The following AMBP variants were observed in gnomAD, a reference collection of about 807,000 sequenced individuals.
AMBP encodes the protein alpha-1-microglobulin/bikunin precursor.
In AMBP, 37 loss-of-function variants were observed where a neutral mutation model predicts 46.3. The observed-to-expected ratio is 0.80, with a 90% CI of 0.61 to 1.05. The LOEUF (loss-of-function observed/expected upper bound fraction) is 1.05, where lower values mean the gene tolerates loss of function less well. Among genes scored for constraint, AMBP ranks in the 50% least tolerant of loss-of-function variants. The pLI, the probability that AMBP is intolerant of heterozygous loss-of-function variation, is 0.00. For synonymous variants in AMBP, 174 were observed against 175.9 expected, an observed-to-expected ratio of 0.99 and a Z score of 0.09; for missense variants, 475 against 461.2, an observed-to-expected ratio of 1.03 and a Z score of -0.27.
At chr9:114,071,738 C>G (rs1172915766) in intron 5 of AMBP, among the ~76,000 whole-genome samples, 1 of 152,210 alleles carries the variant, frequency 6.6e-6, no homozygotes, top group Non-Finnish European at 1.5e-5. Flanking sequence ...CAGCCAGATT[C>G]GAACAGAGGA....
chr9:114,069,083 C>T (rs1029606743), intron 6 of AMBP, among the ~76,000 whole-genome samples: 1 of 151,778 alleles, frequency 6.6e-6, no homozygotes, highest in Non-Finnish European at 1.5e-5. Context: ...TATATACACA[C>T]ACAGATATAT....
At chr9:114,077,730 AG>A (rs1846828987) in intron 1 of AMBP, 1 of 222,308 alleles carries the variant, frequency 4.5e-6, no homozygotes, top group Non-Finnish European at 9.1e-6. Context: ...CCACAGAGAG[AG>A]GGGAGTCATT....
chr9:114,068,438 G>A (rs906144529), intron 6 of AMBP, among the ~76,000 whole-genome samples: 9 of 148,500 alleles, frequency 6.1e-5, no homozygotes, highest in African/African-American at 2.2e-4. Context: ...TGTCTCTACT[G>A]AAAAAAAAAA....
intron 6 of AMBP, among the ~76,000 whole-genome samples, chr9:114,063,758 A>C (rs1343886536): frequency 6.6e-6 from 1 of 152,256 alleles, no homozygotes; most frequent in African/African-American, 2.4e-5. Context: ...CAGTGATGGA[A>C]ATGAATATGT....
chr9:114,062,752 G>A lies in AMBP; in HGVS notation c.610C>T (p.Arg204Trp), dbSNP rs369822351. 1.2e-5 allele frequency: 19 copies of A among 1,613,916 alleles called. No individual in the cohort carries two copies. Among genetic ancestry groups the A allele is most frequent in the African/African-American group, 6.7e-5 (5 of 74,874 alleles). The change falls in exon 7 of 10, where the codon CGG (arginine) becomes TGG (tryptophan). Residue 204 changes from arginine (R) to tryptophan (W), a missense_variant. By Grantham distance (101) the Arg-to-Trp change is moderately radical. Around this residue, in one of 3 missense-constraint regions of AMBP, gnomAD observed 293 missense variants for 276.9 expected, o/e 1.06. Coordinates refer to ENST00000265132, the MANE Select transcript of AMBP (RefSeq NM_001633.4). ...TCTTCTTGGGGTAGCACAGCCCTCC[G>A]GACTCTCTGCGGGGGAGAGAAAGAG... ...EPEPILIPRV[R>W]RAVLPQEEEG...
In AMBP at chr9:114,069,691, G is replaced by C. The variant is rs1274762352; in HGVS notation, c.603+8C>G. 6.2e-7 allele frequency: 1 copy of C among 1,612,092 alleles called. No homozygotes were observed. Among genetic ancestry groups the C allele is most frequent in the East Asian group, 2.2e-5 (1 of 44,862 alleles). On this transcript the variant is annotated splice_region_variant and intron_variant, in intron 6 of 9. Coordinates refer to ENST00000265132, the MANE Select transcript of AMBP (RefSeq NM_001633.4). Reference sequence around the variant, plus strand: ...GGGTGGGATGGGGTCGGGGGATGAGGCACTCACCGGGATTAAGATGGGCTC... The same window carrying C: ...GGGTGGGATGGGGTCGGGGGATGAGCCACTCACCGGGATTAAGATGGGCTC...
chr9:114,060,302 C>T (rs560013983), intron 9 of AMBP, 32 bp from the exon 10 acceptor site: 25 of 1,611,156 alleles, frequency 1.6e-5, no homozygotes, highest in Admixed American at 5.0e-5. Flanking sequence ...GGGAGGGGTC[C>T]GTAGGCAGGG....
intron 8 of AMBP, 41 bp downstream of exon 8, chr9:114,061,382 CT>C: frequency 6.2e-7 from 1 of 1,612,922 alleles, no homozygotes; most frequent in South Asian, 1.1e-5. Flanking sequence ...GGGACAGGGT[CT>C]TGAGGGTGCA....
chr9:114,071,675 A>C (rs1005603339), intron 5 of AMBP, among the ~76,000 whole-genome samples: 1 of 152,246 alleles, frequency 6.6e-6, no homozygotes, highest in African/African-American at 2.4e-5. Context: ...ATGGCCGCCC[A>C]TGGGCCAGTC....
rs368248442 is a variant in AMBP, at chr9:114,076,605, G to C, written c.253C>G (p.Arg85Gly). The change falls in exon 2 of 10, where the codon CGT (arginine) becomes GGT (glycine). Residue 85 changes from arginine (R) to glycine (G), a missense_variant. Physicochemically the swap from Arg to Gly is moderately radical, Grantham distance 125. Coordinates refer to ENST00000265132, the MANE Select transcript of AMBP (RefSeq NM_001633.4). The stretch of plus-strand genomic sequence containing the variant: ...CCCCACCCTAGTGCTCACCGCCAAC[G>C]AGTGCTGGTCATGCTGATCTCCGCC... Reference protein sequence around the residue: ...TEAEISMTSTRWRKGVCEETS... With the variant: ...TEAEISMTSTGWRKGVCEETS... 2 of 1,613,666 alleles carry C rather than the reference G, an allele frequency of 1.2e-6. No homozygotes were observed. Among genetic ancestry groups the C allele is most frequent in the Non-Finnish European group, 1.7e-6 (2 of 1,179,928 alleles).
intron 6 of AMBP, 69 bp from the exon 7 acceptor site, chr9:114,062,827 A>C: frequency 6.8e-7 from 1 of 1,464,384 alleles, no homozygotes; most frequent in Non-Finnish European, 9.6e-7. Context: ...GTACCCCTGG[A>C]ATATATAAAT....
chr9:114,064,336 G>A (rs1267929609), intron 6 of AMBP, among the ~76,000 whole-genome samples: 1 of 152,000 alleles, frequency 6.6e-6, no homozygotes, highest in African/African-American at 2.4e-5. Context: ...AAAATATAGA[G>A]TTTTACAATA....
Position 114,062,736 on chromosome 9 carries a change from G to T in AMBP, c.626C>A (p.Pro209His), listed in dbSNP as rs749821775. 1.9e-6 allele frequency: 3 copies of T among 1,613,920 alleles called. No homozygotes were observed. The African/African-American group carries it at 4.0e-5, about 22-fold the overall frequency. The change falls in exon 7 of 10, where the codon CCC becomes CAC. Residue 209 changes from proline (P) to histidine (H), a missense_variant. Coordinates refer to ENST00000265132, the MANE Select transcript of AMBP (RefSeq NM_001633.4). The part of the protein sequence containing the change: ...LIPRVRRAVL[P>H]QEEEGSGGGQ... ...ACCCCCTGATCCTTCCTCTTCTTGG[G>T]GTAGCACAGCCCTCCGGACTCTCTG...
intron 7 of AMBP, 37 bp downstream of exon 7, chr9:114,062,640 G>A (rs777020922): frequency 3.7e-6 from 6 of 1,603,728 alleles, no homozygotes; most frequent in Non-Finnish European, 4.3e-6. Context: ...CCTTTCTGGA[G>A]TATGGCAGAG....
intron 7 of AMBP, among the ~76,000 whole-genome samples, chr9:114,062,167 C>G (rs1846645665): frequency 6.6e-6 from 1 of 152,206 alleles, no homozygotes; most frequent in Non-Finnish European, 1.5e-5. Context: ...CCCCACTAGA[C>G]CAGAAGTTCC....
chr9:114,073,339 C>A (rs1247741057), intron 4 of AMBP, among the ~76,000 whole-genome samples: 2 of 151,826 alleles, frequency 1.3e-5, no homozygotes, highest in East Asian at 3.9e-4. Context: ...CTCTGCCTCC[C>A]GGGTTCCCGC....
intron 4 of AMBP, 131 bp downstream of exon 4, chr9:114,073,905 T>C: frequency 2.4e-6 from 2 of 817,284 alleles, no homozygotes; most frequent in Admixed American, 1.9e-5. Flanking sequence ...TCAGTGATTG[T>C]ACCTTTCTCC....
At chr9:114,076,317 G>C (rs1846806116) in intron 2 of AMBP, among the ~76,000 whole-genome samples, 1 of 152,030 alleles carries the variant, frequency 6.6e-6, no homozygotes, top group African/African-American at 2.4e-5. Context: ...CCAGTTCCCA[G>C]GTTGGGTCCC....
chr9:114,070,385 C>T (rs1846732280), intron 5 of AMBP, among the ~76,000 whole-genome samples: 1 of 152,280 alleles, frequency 6.6e-6, no homozygotes, highest in African/African-American at 2.4e-5. Context: ...CTCCCAGGCC[C>T]AGAGCCTCTG....
Sources: gnomAD v4.1 joint callset for allele counts (sites outside exome capture counted in the v4.1 genomes callset) on GRCh38, gnomAD v4.1.1 for gene constraint, gnomAD v4.1.1 regional missense constraint, MANE v1.5 for transcripts, NCBI Gene and HGNC (gene_info 2026-07-23, HGNC 2026-07-21) for gene names.